Variants in FLRT3 observed in about 807,000 individuals in gnomAD.
FLRT3 encodes fibronectin leucine rich transmembrane protein 3.
FLRT3 carries 17 observed loss-of-function variants against 42.6 expected under a neutral mutation model. The observed-to-expected ratio is 0.40, with a 90% CI of 0.27 to 0.60. FLRT3 has a LOEUF of 0.60. FLRT3 is among the 20% of genes least tolerant of loss of function. FLRT3 has a pLI of 0.44. For synonymous variants in FLRT3, 279 were observed against 286.4 expected, an observed-to-expected ratio of 0.97 and a Z score of 0.26; for missense variants, 635 against 789.2, an observed-to-expected ratio of 0.80 and a Z score of 2.34.
rs1157788693 is a variant in FLRT3, at chr20:14,326,056, G to A, written c.1451C>T (p.Thr484Ile). ...PYKVCMVPME[T>I]SNLYLFDETP... ...TTCATCAAATAGGTAGAGGTTGCTG[G>A]TTTCCATGGGAACCATGCATACTTT... is the stretch of plus-strand genomic sequence containing the variant. The change falls in exon 3 of 3, where the codon ACC (threonine) becomes ATC (isoleucine). Residue 484 changes from threonine to isoleucine, a missense_variant. Coordinates refer to ENST00000341420, the MANE Select transcript of FLRT3 (RefSeq NM_198391.3). The surrounding 1 kb of genome is among the most constrained non-coding windows in gnomAD (Gnocchi z 5.5). 6 of 1,613,890 alleles carry A rather than the reference G, an allele frequency of 3.7e-6. No individual in the cohort carries two copies. The highest frequency in any genetic ancestry group is 5.1e-6 in the Non-Finnish European group (6 of 1,179,890).
chr20:14,328,375 CATTATTTTCT>C (rs957028415), intron 2 of FLRT3, among the ~76,000 whole-genome samples: 3 of 151,950 alleles, frequency 2.0e-5, no homozygotes, highest in Non-Finnish European at 4.4e-5. Flanking sequence ...CCACATTTTT[CATTATTTTCT>C]ACCTCATAAC....
intron 1 of FLRT3, 43 bp downstream of exon 1, chr20:14,337,361 A>C (rs961320028): frequency 3.0e-6 from 1 of 335,978 alleles, no homozygotes. Flanking sequence ...AACCAAGCAA[A>C]CTTTCTGGGA....
chr20:14,326,327 G>A lies in FLRT3; in HGVS notation c.1180C>T (p.Pro394Ser), dbSNP rs1208709402. ...GTTTGGTGATCCTTAGTGAGCTTGG[G>A]GTTCTTAATATCTGGCTGTTTGGTC... ...PVTKQPDIKN[P>S]KLTKDHQTTG... The change falls in exon 3 of 3, where the codon CCC (proline) becomes TCC (serine). Residue 394 changes from proline (P) to serine (S), a missense_variant. Pro to Ser is a moderately conservative substitution (Grantham distance 74, BLOSUM62 -1). Transcript: ENST00000341420. This position sits in a 1 kb window ranked among gnomAD's most constrained non-coding sequence, Gnocchi z 5.5. The A allele has an allele frequency of 2.5e-6, 4 of 1,613,714 alleles. No individual in the cohort carries two copies. Among genetic ancestry groups the A allele is most frequent in the East Asian group, 4.5e-5 (2 of 44,876 alleles).
Position 14,327,066 on chromosome 20 carries a change from C to T in FLRT3, c.441G>A (p.Glu147=). The change falls in exon 3 of 3, where the codon GAG becomes GAA. Residue 147 remains glutamate, a synonymous_variant. Transcript: ENST00000341420. Reference sequence around the variant, plus strand: ...GATAGTTGCTGTCTCGGAATGCTCCCTCTTCTATGCTAACTGCAGAGACAG... The same window carrying T: ...GATAGTTGCTGTCTCGGAATGCTCCTTCTTCTATGCTAACTGCAGAGACAG... The part of the protein sequence containing the change: ...DNSVSAVSIE[E]GAFRDSNYLR... 1 of 1,613,736 alleles carries T rather than the reference C, an allele frequency of 6.2e-7. No individual in the cohort carries two copies. Among genetic ancestry groups the T allele is most frequent in the Non-Finnish European group, 8.5e-7 (1 of 1,179,786 alleles).
Position 14,324,549 on chromosome 20 carries a change from T to C in FLRT3, c.*1008A>G, listed in dbSNP as rs2082704349. On this transcript the variant is annotated 3_prime_UTR_variant, in exon 3 of 3. Transcript: ENST00000341420. ...ATTTTTCTTTAAATTATCTCTTATT[T>C]AAAGAACTACTTTCTCTGGATTGTT... 6.6e-6 allele frequency: 1 copy of C among 152,348 alleles called. No individual in the cohort carries two copies. The highest frequency in any genetic ancestry group is 2.1e-4 in the South Asian group (1 of 4,826). 9.4% of individuals were successfully genotyped at this position (152,348 alleles called of 1,614,324 possible).
rs937789603 is a variant in FLRT3, at chr20:14,325,526, A to G, written c.*31T>C. 3.8e-6 allele frequency: 6 copies of G among 1,568,650 alleles called. No individual in the cohort carries two copies. The African/African-American group carries it at 4.1e-5, about 11-fold the overall frequency. ...CACCTCCCTTAGGTTTAAAAAACCC[A>G]AAACACAAGTCTGCTGTGAGTCCTT... On this transcript the variant is annotated 3_prime_UTR_variant, in exon 3 of 3. Coordinates refer to ENST00000341420, the MANE Select transcript of FLRT3 (RefSeq NM_198391.3).
At position 14,326,570 on chromosome 20, in the gene FLRT3, T is replaced by C; in HGVS notation, c.937A>G (p.Met313Val). The C allele has an allele frequency of 6.2e-7, 1 of 1,613,926 alleles. No homozygotes were observed. The highest frequency in any genetic ancestry group is 8.5e-7 in the Non-Finnish European group (1 of 1,179,868). ...RNNPWYCGCKMKWVRDWLQSL... is the reference protein window; with the variant it reads ...RNNPWYCGCKVKWVRDWLQSL... Reference sequence around the variant, plus strand: ...TGTAACCAGTCACGTACCCATTTCATCTTGCACCCGCAATACCAGGGATTG... The same window carrying C: ...TGTAACCAGTCACGTACCCATTTCACCTTGCACCCGCAATACCAGGGATTG... Residue 313 changes from methionine to valine, a missense_variant, in exon 3 of 3, where the codon ATG (methionine) becomes GTG (valine). Met to Val is a conservative substitution (Grantham distance 21). Coordinates refer to ENST00000341420, the MANE Select transcript of FLRT3 (RefSeq NM_198391.3). The surrounding 1 kb of genome is among the most constrained non-coding windows in gnomAD (Gnocchi z 5.5).
intron 1 of FLRT3, among the ~76,000 whole-genome samples, chr20:14,330,982 T>C (rs1326284433): frequency 2.6e-5 from 4 of 152,136 alleles, no homozygotes; most frequent in African/African-American, 9.7e-5. Context: ...ATTGCTTATG[T>C]TAAATTGCAT....
At chr20:14,328,849 C>A in intron 2 of FLRT3, 1 of 151,980 alleles carries the variant, frequency 6.6e-6, no homozygotes, top group Admixed American at 6.6e-5. Flanking sequence ...GGACACATGG[C>A]TTCCTATGTA....
At chr20:14,335,029 A>C (rs2082912285) in intron 1 of FLRT3, among the ~76,000 whole-genome samples, 1 of 152,188 alleles carries the variant, frequency 6.6e-6, no homozygotes, top group African/African-American at 2.4e-5. Flanking sequence ...TCAAAAATGA[A>C]AAGCAAGAAA....
chr20:14,331,771 C>T (rs1191631075), intron 1 of FLRT3, among the ~76,000 whole-genome samples: 1 of 152,108 alleles, frequency 6.6e-6, no homozygotes, highest in East Asian at 1.9e-4. Flanking sequence ...ACGATCCTCT[C>T]CTATCCTTAG....
chr20:14,336,186 C>A (rs948807342), intron 1 of FLRT3, among the ~76,000 whole-genome samples: 1 of 151,872 alleles, frequency 6.6e-6, no homozygotes, highest in Admixed American at 6.6e-5. Flanking sequence ...TTTCTAGTGG[C>A]TTTATTTATG....
chr20:14,327,621 T>A, intron 2 of FLRT3, 63 bp from the exon 3 acceptor site: 1 of 1,179,680 alleles, frequency 8.5e-7, no homozygotes. Flanking sequence ...ATATAATGTT[T>A]AAAAACAAAT....
intron 1 of FLRT3, among the ~76,000 whole-genome samples, chr20:14,332,690 G>T (rs917649825): frequency 4.6e-5 from 7 of 151,986 alleles, no homozygotes; most frequent in Non-Finnish European, 1.5e-5. Flanking sequence ...AAATCTAATG[G>T]CATGTAGAAC....
chr20:14,329,483 C>T (rs1031788314), intron 1 of FLRT3, among the ~76,000 whole-genome samples, 156 bp from the exon 2 acceptor site: 2 of 152,002 alleles, frequency 1.3e-5, no homozygotes, highest in Non-Finnish European at 2.9e-5. Context: ...TTTTAGACTT[C>T]TCATTTTCTT....
In FLRT3 at chr20:14,327,069, T is replaced by C. The variant is rs2122580826; in HGVS notation, c.438A>G (p.Glu146=). The C allele has an allele frequency of 1.9e-6, 3 of 1,613,774 alleles. No individual in the cohort carries two copies. The East Asian group carries it at 6.7e-5, about 36-fold the overall frequency. ...AGTTGCTGTCTCGGAATGCTCCCTC[T>C]TCTATGCTAACTGCAGAGACAGAGT... ...DDNSVSAVSI[E]EGAFRDSNYL... is the part of the protein sequence containing the mutation. The change falls in exon 3 of 3, where the codon GAA becomes GAG. Residue 146 remains glutamate, a synonymous_variant. Transcript: ENST00000341420.
chr20:14,332,332 T>C (rs1257339742), intron 1 of FLRT3, among the ~76,000 whole-genome samples: 1 of 152,112 alleles, frequency 6.6e-6, no homozygotes, highest in Non-Finnish European at 1.5e-5. Flanking sequence ...AAGTTGTATC[T>C]GAATAGAAAA....
chr20:14,333,909 G>A (rs1024914387), intron 1 of FLRT3, among the ~76,000 whole-genome samples: 2 of 152,148 alleles, frequency 1.3e-5, no homozygotes, highest in African/African-American at 4.8e-5. Context: ...TGGTCTGTGG[G>A]TTTTCTCTTC....
In FLRT3 at chr20:14,325,584, A is replaced by G; in HGVS notation, c.1923T>C (p.Ile641=). The change falls in exon 3 of 3, where the codon ATT becomes ATC. Residue 641 remains isoleucine, a synonymous_variant. Transcript: ENST00000341420. Reference sequence around the variant, plus strand: ...ATGAGTGTGAGTGATCTGAGTCTGGAATACCACTGTCTCTGTAGCTTCGGT... The same window carrying G: ...ATGAGTGTGAGTGATCTGAGTCTGGGATACCACTGTCTCTGTAGCTTCGGT... ...SSNRSYRDSG[I]PDSDHSHS The G allele has an allele frequency of 1.2e-6, 2 of 1,612,532 alleles. No individual in the cohort carries two copies. The highest frequency in any genetic ancestry group is 1.7e-6 in the Non-Finnish European group (2 of 1,179,064).
Sources: gnomAD v4.1 joint callset for allele counts (sites outside exome capture counted in the v4.1 genomes callset) on GRCh38, gnomAD v4.1.1 for gene constraint, Gnocchi (gnomAD v3.1) non-coding constraint, MANE v1.5 for transcripts, NCBI Gene and HGNC (gene_info 2026-07-23, HGNC 2026-07-21) for gene names.